C5: variants seen among roughly 807,000 people sequenced by gnomAD.
The protein encoded by C5 is complement C5, also known as C3 and PZP-like alpha-2-macroglobulin domain-containing protein 4.
A neutral mutation model predicts 218.8 loss-of-function variants in C5; 140 were observed. That is an observed-to-expected ratio of 0.64 (90% CI 0.56 to 0.74). C5 has a LOEUF of 0.74. Among genes scored for constraint, C5 ranks in the 30% least tolerant of loss-of-function variants. C5 has a pLI of 0.00. For missense variants in C5, 1,700 were observed against 1,969.6 expected (o/e 0.86, Z 2.59); for synonymous variants, 614 against 682.3 (o/e 0.90, Z 1.56).
At chr9:120,979,992 T>C (rs1269536239) in intron 28 of C5, 91 bp downstream of exon 28, 1 of 1,097,118 alleles carries the variant, frequency 9.1e-7, no homozygotes, top group Non-Finnish European at 1.4e-6. Flanking sequence ...TGCATCTTAC[T>C]CAAGTTCACA....
chr9:121,049,524 C>T lies in C5; in HGVS notation c.65+658G>A, dbSNP rs1162398744. On this transcript the variant is annotated intron_variant, in intron 1 of 40. Coordinates refer to ENST00000223642, the MANE Select transcript of C5 (RefSeq NM_001735.3). The stretch of plus-strand genomic sequence containing the variant: ...AAAAATTGAAGTGATAAACAGGAGA[C>T]CTTAATAAAAATCCTGTTTCTCTCT... Among the ~76,000 whole-genome samples the T allele has an allele frequency of 3.9e-5, 6 of 152,108 alleles. No individual in the cohort carries two copies. The South Asian group carries it at 1.2e-3, about 32-fold the overall frequency.
intron 23 of C5, among the ~76,000 whole-genome samples, chr9:120,990,044 G>C (rs2047065582): frequency 2.0e-5 from 3 of 151,988 alleles, no homozygotes; most frequent in Admixed American, 2.0e-4. Context: ...AAGAGAACAT[G>C]GCAAATTAGT....
intron 28 of C5, 102 bp downstream of exon 28, chr9:120,979,981 T>C: frequency 1.0e-6 from 1 of 956,578 alleles, no homozygotes; most frequent in Non-Finnish European, 1.7e-6. Context: ...AGGACAGGAA[T>C]TGCATCTTAC....
At position 121,034,861 on chromosome 9, in the gene C5, C is replaced by A. The variant is rs1459526637; in HGVS notation, c.526G>T (p.Glu176Ter). 1 of 1,596,594 alleles carries A rather than the reference C, an allele frequency of 6.3e-7. No homozygotes were observed. Among genetic ancestry groups the A allele is most frequent in the East Asian group, 2.2e-5 (1 of 44,744 alleles). Reference sequence around the variant, plus strand: ...GAGATAATTCCAATATGATCAATTTCTTCTACCATGTCAACTTCTGATCCT... The same window carrying A: ...GAGATAATTCCAATATGATCAATTTATTCTACCATGTCAACTTCTGATCCT... ...PEGSEVDMVE[E>*]IDHIGIISFP... The change falls in exon 5 of 41, where the codon GAA becomes TAA. Residue 176 changes from glutamate (E) to a stop codon, truncating the protein, a stop_gained. Transcript: ENST00000223642. LOFTEE classifies it high-confidence loss of function.
the C5 span, among the ~76,000 whole-genome samples, chr9:121,066,168 C>T: frequency 1.9e-4 from 28 of 149,166 alleles, no homozygotes; most frequent in East Asian, 1.2e-3. Flanking sequence ...AAAAATTAGC[C>T]GGGAGTGGTG....
intron 10 of C5, among the ~76,000 whole-genome samples, chr9:121,022,786 T>C (rs1487461423): frequency 6.6e-6 from 1 of 151,780 alleles, no homozygotes; most frequent in East Asian, 1.9e-4. Flanking sequence ...AATTCTATAC[T>C]GTCAGCATTT....
intron 39 of C5, 93 bp downstream of exon 39, chr9:120,957,192 A>G: frequency 1.2e-6 from 1 of 863,674 alleles, no homozygotes; most frequent in Non-Finnish European, 2.0e-6. Context: ...GTCTTATTTG[A>G]GTTGTATCTT....
chr9:121,002,264 A>ATATATG (rs1587971714), intron 20 of C5, among the ~76,000 whole-genome samples: 2 of 93,250 alleles, frequency 2.1e-5, no homozygotes, highest in East Asian at 5.0e-4. Context: ...GTATATATGT[A>ATATATG]TATATATGTA....
chr9:120,987,373 A>T (rs1043836187), intron 25 of C5, among the ~76,000 whole-genome samples: 1 of 152,104 alleles, frequency 6.6e-6, no homozygotes, highest in African/African-American at 2.4e-5. Context: ...GGCCAGGCGC[A>T]GTGGCTCATG....
intron 6 of C5, among the ~76,000 whole-genome samples, chr9:121,031,720 A>G (rs2047476150): frequency 6.6e-6 from 1 of 152,240 alleles, no homozygotes. Flanking sequence ...ATAATTTTGC[A>G]TTAACTACAT....
intron 22 of C5, among the ~76,000 whole-genome samples, chr9:120,993,301 G>A (rs977039746): frequency 1.3e-5 from 2 of 152,162 alleles, no homozygotes; most frequent in Non-Finnish European, 2.9e-5. Context: ...CCAGGTAAAT[G>A]CTAACATGGA....
intron 15 of C5, among the ~76,000 whole-genome samples, 194 bp downstream of exon 15, chr9:121,016,060 G>A (rs1304279217): frequency 2.6e-5 from 4 of 152,170 alleles, no homozygotes; most frequent in African/African-American, 9.7e-5. Flanking sequence ...CGAAGATCAT[G>A]GAAGGTTTTG....
chr9:120,988,563 A>G (rs2047051633), intron 25 of C5, among the ~76,000 whole-genome samples: 1 of 152,150 alleles, frequency 6.6e-6, no homozygotes, highest in African/African-American at 2.4e-5. Context: ...ATTGGAGGGA[A>G]AGAGAGTATA....
At chr9:121,036,363 C>A (rs1208695227) in intron 4 of C5, among the ~76,000 whole-genome samples, 1 of 152,108 alleles carries the variant, frequency 6.6e-6, no homozygotes, top group Non-Finnish European at 1.5e-5. Context: ...CTTCCTGGGG[C>A]AGCTCTTACA....
rs747940798 is a variant in C5 at position 121,025,535 on chromosome 9, C to T, written c.919G>A (p.Val307Ile). 3 of 1,612,660 alleles carry T rather than the reference C, an allele frequency of 1.9e-6. No homozygotes were observed. Among genetic ancestry groups the T allele is most frequent in the African/African-American group, 1.3e-5 (1 of 74,786 alleles). Residue 307 changes from valine to isoleucine, a missense_variant, in exon 9 of 41, where the codon GTC becomes ATC. Val to Ile is a conservative substitution (Grantham distance 29, BLOSUM62 3). Transcript: ENST00000223642. ...AQVTFDSETAVKELSYYSLED... is the reference protein window; with the variant it reads ...AQVTFDSETAIKELSYYSLED... ...AAACTGTAGTATGACAGTTCTTTGA[C>T]TGCTGTTTCAGAATCAAATGTGACT...
At chr9:120,979,973 G>T in intron 28 of C5, 110 bp downstream of exon 28, 1 of 884,914 alleles carries the variant, frequency 1.1e-6, no homozygotes, top group African/African-American at 1.6e-5. Context: ...GTTCCTTGAG[G>T]ACAGGAATTG....
the C5 span, among the ~76,000 whole-genome samples, chr9:121,057,467 A>C: frequency 0.37 from 56,763 of 151,936 alleles, 12,627 homozygotes; most frequent in South Asian, 0.63. Flanking sequence ...ACAAAAAGTC[A>C]AAATGCAGGA....
intron 20 of C5, among the ~76,000 whole-genome samples, chr9:121,003,598 A>G (rs561781373): frequency 6.6e-6 from 1 of 152,338 alleles, no homozygotes; most frequent in South Asian, 2.1e-4. Flanking sequence ...CAGTTAGATT[A>G]TATGACAAAC....
At chr9:121,053,619 G>C (rs1221326361), upstream of C5, among the ~76,000 whole-genome samples, 1 of 152,146 alleles carries the variant, frequency 6.6e-6, no homozygotes, top group Non-Finnish European at 1.5e-5. Context: ...AAGGAAAGAG[G>C]CATTGAAGAT....
Sources: gnomAD v4.1 joint callset for allele counts (sites outside exome capture counted in the v4.1 genomes callset) on GRCh38, gnomAD v4.1.1 for gene constraint, MANE v1.5 for transcripts, NCBI Gene and HGNC (gene_info 2026-07-23, HGNC 2026-07-21) for gene names.